MTOR: variants seen among roughly 807,000 people sequenced by gnomAD.
The protein encoded by MTOR is mechanistic target of rapamycin kinase, also known as serine/threonine-protein kinase mTOR.
Under a neutral mutation model 319.8 loss-of-function variants are expected in MTOR, and 70 were observed. The observed-to-expected ratio is 0.22, with a 90% confidence interval of 0.18 to 0.27. The LOEUF is 0.27. MTOR is among the 10% of genes least tolerant of loss of function. The probability of loss-of-function intolerance (pLI) is 1.00; values close to 1 mark genes in which losing one functional copy is unlikely to be tolerated. For synonymous variants in MTOR, 1,183 were observed against 1,211.4 expected (o/e 0.98, Z 0.49); for missense variants, 1,890 against 3,274.4 (o/e 0.58, Z 10.32).
chr1:11,202,224 T>A (rs942366119), intron 26 of MTOR, among the ~76,000 whole-genome samples: 1 of 151,986 alleles, frequency 6.6e-6, no homozygotes, highest in Non-Finnish European at 1.5e-5. Flanking sequence ...GGTCAGGAGA[T>A]CGAGACCATC....
At chr1:11,198,145 T>C (rs1364133846) in intron 28 of MTOR, among the ~76,000 whole-genome samples, 1 of 152,242 alleles carries the variant, frequency 6.6e-6, no homozygotes, top group Non-Finnish European at 1.5e-5. Flanking sequence ...GTATTTTCTA[T>C]GAGCTATCAA....
At chr1:11,125,765 G>A (rs1394126049) in intron 46 of MTOR, among the ~76,000 whole-genome samples, 1 of 150,314 alleles carries the variant, frequency 6.7e-6, no homozygotes, top group African/African-American at 2.4e-5. Context: ...GAGGTGGCTG[G>A]GCGCAGTGGT....
At chr1:11,201,958 C>A (rs985181790) in intron 26 of MTOR, among the ~76,000 whole-genome samples, 2 of 152,224 alleles carry the variant, frequency 1.3e-5, no homozygotes, top group East Asian at 3.9e-4. Context: ...CAGCTTCATG[C>A]CACCACGCTT....
chr1:11,145,862 G>A (rs1021692973), intron 32 of MTOR, among the ~76,000 whole-genome samples: 1 of 152,116 alleles, frequency 6.6e-6, no homozygotes, highest in Non-Finnish European at 1.5e-5. Flanking sequence ...AATAGATTCT[G>A]CACACACTTC....
chr1:11,124,436 A>G, intron 47 of MTOR, 62 bp downstream of exon 47: 2 of 1,576,294 alleles, frequency 1.3e-6, no homozygotes, highest in Non-Finnish European at 1.7e-6. Context: ...ACTACACGAG[A>G]CAAATGTAGG....
intron 29 of MTOR, among the ~76,000 whole-genome samples, chr1:11,167,086 G>A (rs1035460190): frequency 7.2e-5 from 11 of 152,184 alleles, no homozygotes; most frequent in Middle Eastern, 3.4e-3. Flanking sequence ...GACACACCGG[G>A]GCCTGTCGTG....
intron 26 of MTOR, among the ~76,000 whole-genome samples, chr1:11,202,508 G>A (rs1386781919): frequency 4.0e-5 from 6 of 150,838 alleles, no homozygotes; most frequent in Admixed American, 6.6e-5. Context: ...TGATAGGTAC[G>A]ATGTACACTA....
chr1:11,234,053 G>A, intron 14 of MTOR, 90 bp downstream of exon 14: 2 of 1,576,318 alleles, frequency 1.3e-6, no homozygotes, highest in South Asian at 2.2e-5. Flanking sequence ...ACTTTGTTCA[G>A]TGTACTAGTG....
chr1:11,194,456 G>T, intron 28 of MTOR: 1 of 1,613,694 alleles, frequency 6.2e-7, no homozygotes, highest in South Asian at 1.1e-5. Flanking sequence ...TGCTCCTCCT[G>T]ACAGGACTGG....
intron 20 of MTOR, among the ~76,000 whole-genome samples, chr1:11,214,474 G>A (rs1298449601): frequency 6.6e-6 from 1 of 152,186 alleles, no homozygotes; most frequent in Non-Finnish European, 1.5e-5. Context: ...ATCTTTAAAA[G>A]TTCTGGAGTA....
chr1:11,181,876 T>C (rs1024235550), intron 28 of MTOR, among the ~76,000 whole-genome samples: 4 of 152,194 alleles, frequency 2.6e-5, no homozygotes, highest in Admixed American at 2.0e-4. Flanking sequence ...AGAAACATGT[T>C]CTTTGCTTTC....
intron 30 of MTOR, among the ~76,000 whole-genome samples, chr1:11,154,926 G>A (rs934259071): frequency 6.6e-6 from 1 of 151,660 alleles, no homozygotes; most frequent in Non-Finnish European, 1.5e-5. Flanking sequence ...AGGGAGGATC[G>A]CTTGAACCCC....
At position 11,212,166 on chromosome 1, in the gene MTOR, T is replaced by C; in HGVS notation, c.3561+146A>G. The C allele has an allele frequency of 1.0e-6, 1 of 975,200 alleles. No homozygotes were observed. Among genetic ancestry groups the C allele is most frequent in the Non-Finnish European group, 1.5e-6 (1 of 666,932 alleles). 60.4% of individuals were successfully genotyped at this position (975,200 alleles called of 1,614,324 possible). On this transcript the variant is annotated intron_variant, in intron 23 of 57. Coordinates refer to ENST00000361445, the MANE Select transcript of MTOR (RefSeq NM_004958.4). This position sits in a 1 kb window ranked among gnomAD's most constrained non-coding sequence, Gnocchi z 4.1. The stretch of plus-strand genomic sequence containing the variant: ...TCACATAGGTTGCTCAATAAATGTT[T>C]GCTGAACACATGAAAAGAAAAAAAG...
intron 28 of MTOR, among the ~76,000 whole-genome samples, chr1:11,179,629 C>T (rs192064425): frequency 5.3e-5 from 8 of 152,324 alleles, no homozygotes; most frequent in East Asian, 3.9e-4. Context: ...GTTCATAAGA[C>T]GCTCTGCAAG....
intron 6 of MTOR, among the ~76,000 whole-genome samples, chr1:11,252,484 T>C (rs1016021118): frequency 1.3e-5 from 2 of 152,170 alleles, no homozygotes; most frequent in African/African-American, 2.4e-5. Flanking sequence ...GTAGAACTCA[T>C]GGATATAGAG....
chr1:11,144,339 G>T, intron 34 of MTOR: 1 of 292,270 alleles, frequency 3.4e-6, no homozygotes. Context: ...TGCTGCTAAG[G>T]TTGAGAACCA....
rs1641719063 is a variant in MTOR, at chr1:11,108,959, G to C, written c.7528+331C>G. 2.0e-5 allele frequency among the ~76,000 whole-genome samples: 3 copies of C among 152,208 alleles called. No homozygotes were observed. In the South Asian group the frequency reaches 6.2e-4, roughly 32 times the overall value. The stretch of plus-strand genomic sequence containing the variant: ...GCCAAGATGGAGCCACTGAACTCCA[G>C]ACTGGGCAATAAGAGCAAAACTGTC... On this transcript the variant is annotated intron_variant, in intron 56 of 57. Transcript: ENST00000361445.
intron 28 of MTOR, among the ~76,000 whole-genome samples, chr1:11,176,317 G>A (rs961912966): frequency 7.2e-5 from 11 of 152,114 alleles, no homozygotes; most frequent in African/African-American, 2.2e-4. Context: ...TCTTGGTGCC[G>A]CGTGACCTCT....
In MTOR at chr1:11,221,432, CTTA is replaced by C. The variant is rs1220982368; in HGVS notation, c.3031-5201_3031-5199del. Among the ~76,000 whole-genome samples the C allele has an allele frequency of 2.6e-5, 4 of 152,136 alleles. No individual in the cohort carries two copies. In the East Asian group the frequency reaches 7.7e-4, roughly 29 times the overall value. Reference sequence around the variant, plus strand: ...AAAGTCTTAAACTACATTTAGTCATCTTATTGTTAATACTAACATTGGTCATTT... The same window carrying C: ...AAAGTCTTAAACTACATTTAGTCATCTTGTTAATACTAACATTGGTCATTT... On this transcript the variant is annotated intron_variant, in intron 19 of 57. Transcript: ENST00000361445.
Sources: gnomAD v4.1 joint callset for allele counts (sites outside exome capture counted in the v4.1 genomes callset) on GRCh38, gnomAD v4.1.1 for gene constraint, Gnocchi (gnomAD v3.1) non-coding constraint, MANE v1.5 for transcripts, NCBI Gene and HGNC (gene_info 2026-07-23, HGNC 2026-07-21) for gene names.